Variants in KIAA0319 observed in about 807,000 individuals in gnomAD.
KIAA0319 encodes the protein dyslexia-associated protein KIAA0319.
A neutral mutation model predicts 108.4 loss-of-function variants in KIAA0319; 83 were observed. The ratio of observed to expected loss-of-function variants is 0.77; its 90% CI spans 0.64 to 0.92. The LOEUF is 0.92. KIAA0319 is among the 40% of genes least tolerant of loss of function. KIAA0319 has a pLI of 0.00. For synonymous variants in KIAA0319, 484 were observed against 510.4 expected (o/e 0.95, Z 0.70); for missense variants, 1,195 against 1,322.4 (o/e 0.90, Z 1.49).
chr6:24,616,176 T>G (rs1344875392), intron 1 of KIAA0319, among the ~76,000 whole-genome samples: 5 of 152,188 alleles, frequency 3.3e-5, no homozygotes, highest in Non-Finnish European at 7.4e-5. Flanking sequence ...TTTACAAAAA[T>G]TACTGGTATG....
intron 13 of KIAA0319, among the ~76,000 whole-genome samples, chr6:24,567,089 G>A (rs1441022650): frequency 6.6e-6 from 1 of 151,932 alleles, no homozygotes; most frequent in Non-Finnish European, 1.5e-5. Flanking sequence ...CAATATTTTG[G>A]TTTACAATAT....
chr6:24,596,561 G>A lies in KIAA0319; in HGVS notation c.113C>T (p.Pro38Leu). 9 of 1,613,904 alleles carry A rather than the reference G, an allele frequency of 5.6e-6. No individual in the cohort carries two copies. Among genetic ancestry groups the A allele is most frequent in the Non-Finnish European group, 7.6e-6 (9 of 1,179,974 alleles). The change falls in exon 3 of 21, where the codon CCT becomes CTT. Residue 38 changes from proline (P) to leucine (L), a missense_variant. Physicochemically the swap from Pro to Leu is moderately conservative, Grantham distance 98 (BLOSUM62 -3). Transcript: ENST00000378214. ...CATGATTCTGGTGGTTTCCAAGTTA[G>A]GTGAAATGACTGCATTGGAATATGT... ...GRTYSNAVISPNLETTRIMRV... is the reference protein window; with the variant it reads ...GRTYSNAVISLNLETTRIMRV...
intron 4 of KIAA0319, among the ~76,000 whole-genome samples, chr6:24,584,013 G>C (rs1216283610): frequency 6.6e-6 from 1 of 152,102 alleles, no homozygotes; most frequent in Non-Finnish European, 1.5e-5. Flanking sequence ...TGTGAATTGG[G>C]TCCATTTTCT....
chr6:24,621,887 A>G (rs1177417456), intron 1 of KIAA0319, among the ~76,000 whole-genome samples: 1 of 152,218 alleles, frequency 6.6e-6, no homozygotes, highest in Non-Finnish European at 1.5e-5. Flanking sequence ...AGAACCGGCC[A>G]AGGCACAATC....
chr6:24,566,045 G>A (rs1763861735), intron 14 of KIAA0319, among the ~76,000 whole-genome samples: 1 of 152,158 alleles, frequency 6.6e-6, no homozygotes, highest in Non-Finnish European at 1.5e-5. Flanking sequence ...TCAGCTTTTG[G>A]CTAAATCTCA....
rs543664399 is a variant in KIAA0319, at chr6:24,626,730, A to T, written c.-106+19006T>A. The stretch of plus-strand genomic sequence containing the variant: ...CTATTCTAGTTTGTGAGGATATAGC[A>T]GTGAATAAAAAGGTTCCCTTTGGGA... On this transcript the variant is annotated intron_variant, in intron 1 of 20. Transcript: ENST00000378214. 1.6e-4 allele frequency among the ~76,000 whole-genome samples: 25 copies of T among 152,354 alleles called. No individual in the cohort carries two copies. The South Asian group carries it at 5.2e-3, about 32-fold the overall frequency.
intron 5 of KIAA0319, 65 bp downstream of exon 5, chr6:24,583,539 G>T: frequency 3.7e-6 from 4 of 1,073,300 alleles, no homozygotes; most frequent in Non-Finnish European, 5.7e-6. Flanking sequence ...TAAATAGCCT[G>T]TAAGGACCTG....
chr6:24,559,171 TGA>T lies in KIAA0319; in HGVS notation c.2592-18_2592-17del. 6.2e-7 allele frequency: 1 copy of T among 1,610,662 alleles called. No homozygotes were observed. The highest frequency in any genetic ancestry group is 8.5e-7 in the Non-Finnish European group (1 of 1,179,164). ...AATCACGGTGCTGTGGAGGAGACAA[TGA>T]GAGAGGACAGCCACATGGTCAGATG... is the stretch of plus-strand genomic sequence containing the variant. On this transcript the variant is annotated splice_polypyrimidine_tract_variant and intron_variant, in intron 16 of 20. Transcript: ENST00000378214.
chr6:24,616,807 C>T (rs1773219973), intron 1 of KIAA0319, among the ~76,000 whole-genome samples: 1 of 152,152 alleles, frequency 6.6e-6, no homozygotes, highest in Admixed American at 6.5e-5. Flanking sequence ...AAACTTTTGT[C>T]TTACCTCTAG....
intron 5 of KIAA0319, 52 bp downstream of exon 5, chr6:24,583,552 G>A: frequency 8.0e-7 from 1 of 1,253,966 alleles, no homozygotes; most frequent in African/African-American, 1.5e-5. Flanking sequence ...AGGACCTGCT[G>A]AAGAAAAACA....
At chr6:24,602,582 C>T (rs1223429015) in intron 1 of KIAA0319, among the ~76,000 whole-genome samples, 3 of 152,062 alleles carry the variant, frequency 2.0e-5, no homozygotes, top group Non-Finnish European at 4.4e-5. Context: ...GGGTGGATCA[C>T]GAGGTCAGGA....
chr6:24,594,377 A>G (rs1032985990), intron 3 of KIAA0319, among the ~76,000 whole-genome samples: 1 of 150,616 alleles, frequency 6.6e-6, no homozygotes. Flanking sequence ...TGTAATCCCA[A>G]CACTTTGGGA....
At position 24,578,331 on chromosome 6, in the gene KIAA0319, T is replaced by C. The variant is rs1416651199; in HGVS notation, c.1373-89A>G. ...TTTAATTATTGCATATTTAAATTCA[T>C]TTTTATAAGAAATTATGTACTTGCC... On this transcript the variant is annotated intron_variant, in intron 8 of 20. Transcript: ENST00000378214. 3.1e-6 allele frequency: 3 copies of C among 964,372 alleles called. No individual in the cohort carries two copies. The African/African-American group carries it at 5.0e-5, about 16-fold the overall frequency. The allele number at this position is 964,372 out of a possible 1,614,324, so 59.7% of individuals were successfully genotyped here. A position where few individuals can be genotyped will look rare whatever the true frequency, so the allele number is the denominator to read the frequency against.
rs534244573 is a variant in KIAA0319, at chr6:24,544,404, T to C, written c.*2761A>G. On this transcript the variant is annotated 3_prime_UTR_variant, in exon 21 of 21. Transcript: ENST00000378214. ...ATAGTGTGATATTAGAAATACCTTG[T>C]CAACACATAGGGAAAAATAATATAT... is the stretch of plus-strand genomic sequence containing the variant. The C allele has an allele frequency of 2.4e-4, 37 of 152,276 alleles. No homozygotes were observed. Among genetic ancestry groups the C allele is most frequent in the African/African-American group, 8.9e-4 (37 of 41,558 alleles). 9.4% of individuals were successfully genotyped at this position (152,276 alleles called of 1,614,324 possible). A position where few individuals can be genotyped will look rare whatever the true frequency, so the allele number is the denominator to read the frequency against.
Position 24,558,999 on chromosome 6 carries a change from C to A in KIAA0319, c.2734+14G>T. On this transcript the variant is annotated intron_variant, in intron 17 of 20. Transcript: ENST00000378214. Reference sequence around the variant, plus strand: ...CAAGTCTGATTGTTTTAGAATATTCCATAGGAGACCTACCTGCTGTATCAA... The same window carrying A: ...CAAGTCTGATTGTTTTAGAATATTCAATAGGAGACCTACCTGCTGTATCAA... 1 of 1,603,778 alleles carries A rather than the reference C, an allele frequency of 6.2e-7. No homozygotes were observed. The highest frequency in any genetic ancestry group is 8.5e-7 in the Non-Finnish European group (1 of 1,175,492).
chr6:24,547,700 C>T (rs929754359), intron 20 of KIAA0319, among the ~76,000 whole-genome samples: 3 of 152,186 alleles, frequency 2.0e-5, no homozygotes, highest in African/African-American at 7.2e-5. Context: ...CTCTCTTGGC[C>T]CAGCCTTTAG....
chr6:24,564,083 G>T, intron 15 of KIAA0319, 119 bp downstream of exon 15: 1 of 1,279,474 alleles, frequency 7.8e-7, no homozygotes, highest in Non-Finnish European at 1.1e-6. Context: ...AGTGGGTCCA[G>T]CCAAGAGCTG....
intron 1 of KIAA0319, among the ~76,000 whole-genome samples, chr6:24,616,642 G>A (rs1272430106): frequency 3.9e-5 from 6 of 152,112 alleles, no homozygotes; most frequent in South Asian, 2.1e-4. Context: ...ATGAGCCACC[G>A]TGCTCGGCCT....
intron 1 of KIAA0319, among the ~76,000 whole-genome samples, chr6:24,608,216 A>G (rs1771710748): frequency 1.3e-5 from 2 of 152,082 alleles, no homozygotes; most frequent in Non-Finnish European, 2.9e-5. Context: ...GAAAAAATAA[A>G]TAAATAAATA....
Sources: allele counts gnomAD v4.1 joint callset (sites outside exome capture counted in the v4.1 genomes callset), GRCh38; gene constraint gnomAD v4.1.1; transcripts MANE v1.5; gene names NCBI Gene and HGNC (gene_info 2026-07-23, HGNC 2026-07-21).